NBEA: variants seen among roughly 807,000 people sequenced by gnomAD.
NBEA encodes the protein neurobeachin.
In NBEA, 44 loss-of-function variants were observed where a neutral mutation model predicts 343.4. The observed-to-expected ratio is 0.13, with a 90% confidence interval of 0.10 to 0.16. NBEA has a LOEUF of 0.16. Ranked by LOEUF, NBEA falls within the 10% of genes least tolerant of loss-of-function variation. NBEA has a pLI of 1.00. For synonymous variants in NBEA, 1,175 were observed against 1,238.7 expected (o/e 0.95, Z 1.08); for missense variants, 2,555 against 3,631.3 (o/e 0.70, Z 7.62).
intron 41 of NBEA, among the ~76,000 whole-genome samples, chr13:35,535,310 A>T (rs572624321): frequency 1.4e-4 from 21 of 152,282 alleles, no homozygotes; most frequent in African/African-American, 4.6e-4. Context: ...TTTTTTGTTT[A>T]GTTTTGTTTT....
At chr13:35,218,430 A>G (rs2152759180) in intron 33 of NBEA, among the ~76,000 whole-genome samples, 1 of 152,158 alleles carries the variant, frequency 6.6e-6, no homozygotes, top group South Asian at 2.1e-4. Flanking sequence ...TATATACATA[A>G]TTCTGTCATC....
intron 55 of NBEA, among the ~76,000 whole-genome samples, chr13:35,659,904 A>G (rs562292143): frequency 6.6e-6 from 1 of 152,340 alleles, no homozygotes; most frequent in South Asian, 2.1e-4. Flanking sequence ...AGTGATAAAA[A>G]TTAATTTGCG....
chr13:35,563,131 GGAGA>G (rs745716622), intron 44 of NBEA, among the ~76,000 whole-genome samples: 4,559 of 108,168 alleles, frequency 0.042, 94 homozygotes, highest in South Asian at 0.15. Context: ...GTGTGTGTGT[GGAGA>G]TAGATAGATA....
chr13:35,498,983 A>G (rs928880844), intron 41 of NBEA, among the ~76,000 whole-genome samples: 1 of 152,122 alleles, frequency 6.6e-6, no homozygotes, highest in African/African-American at 2.4e-5. Context: ...ACACCAGGCA[A>G]TTGAAGAATA....
intron 34 of NBEA, chr13:35,251,552 A>G (rs750868003): frequency 1.1e-4 from 133 of 1,182,758 alleles, no homozygotes; most frequent in Non-Finnish European, 1.3e-4. Context: ...TCCTTGATGC[A>G]TGTGACCTTC....
rs955036364 is a variant in NBEA, at chr13:35,562,322, G to C, written c.6923-4583G>C. Among the ~76,000 whole-genome samples, 5 of 151,998 alleles carry C rather than the reference G, an allele frequency of 3.3e-5. No homozygotes were observed. In the East Asian group the frequency reaches 9.7e-4, roughly 29 times the overall value. On this transcript the variant is annotated intron_variant, in intron 44 of 58. Transcript: ENST00000379939. The stretch of plus-strand genomic sequence containing the variant: ...CAGTTCCCAAATTGACCTGATTTCT[G>C]TTTGTTTTCTGAAAAATACAACCTA...
intron 38 of NBEA, among the ~76,000 whole-genome samples, chr13:35,381,744 C>T (rs2042022098): frequency 6.6e-6 from 1 of 151,844 alleles, no homozygotes; most frequent in South Asian, 2.1e-4. Context: ...CTTGAGAGGT[C>T]CTGACCTGCC....
At chr13:35,604,877 T>C (rs1275326225) in intron 47 of NBEA, among the ~76,000 whole-genome samples, 1 of 152,122 alleles carries the variant, frequency 6.6e-6, no homozygotes, top group Non-Finnish European at 1.5e-5. Flanking sequence ...ATGAAGTCTC[T>C]CCTGACTTGC....
chr13:35,282,374 A>C (rs1027192074), intron 34 of NBEA, among the ~76,000 whole-genome samples: 3 of 151,742 alleles, frequency 2.0e-5, no homozygotes, highest in Non-Finnish European at 4.4e-5. Flanking sequence ...TATCATTCTT[A>C]ATAATTATTT....
chr13:35,117,420 C>G lies in NBEA; in HGVS notation c.2009C>G (p.Pro670Arg), dbSNP rs2066555155. 1.5e-6 allele frequency: 2 copies of G among 1,369,258 alleles called. No homozygotes were observed. The highest frequency in any genetic ancestry group is 9.5e-7 in the Non-Finnish European group (1 of 1,049,122). The allele number at this position is 1,369,258 out of a possible 1,614,324, so 84.8% of individuals were successfully genotyped here. Residue 670 changes from proline (P) to arginine (R), a missense_variant, in exon 14 of 59, where the codon CCC becomes CGC. Physicochemically the swap from Pro to Arg is moderately radical, Grantham distance 103 (BLOSUM62 -2). Coordinates refer to ENST00000379939, the MANE Select transcript of NBEA (RefSeq NM_001385012.1). ...TTTTTCTGTTTTGTTCTAGATGGTCCCCGGCCATCACAAAAAGAAATTATA... is the reference window on the plus strand; with the variant it reads ...TTTTTCTGTTTTGTTCTAGATGGTCGCCGGCCATCACAAAAAGAAATTATA... ...SGITPKGLDG[P>R]RPSQKEIISL...
intron 1 of NBEA, among the ~76,000 whole-genome samples, chr13:35,014,618 C>G (rs1436660310): frequency 6.6e-6 from 1 of 152,028 alleles, no homozygotes; most frequent in Non-Finnish European, 1.5e-5. Context: ...AAGCAGGGGT[C>G]TACTGGGACC....
At chr13:35,076,984 T>A (rs761968139) in intron 10 of NBEA, among the ~76,000 whole-genome samples, 33 of 152,044 alleles carry the variant, frequency 2.2e-4, no homozygotes, top group Non-Finnish European at 4.1e-4. Flanking sequence ...CCATAATTCA[T>A]CCTCAGAAAC....
At position 35,177,000 on chromosome 13, in the gene NBEA, C is replaced by T. The variant is rs866634511; in HGVS notation, c.4559C>T (p.Pro1520Leu). The T allele has an allele frequency of 6.4e-7, 1 of 1,574,694 alleles. No homozygotes were observed. Among genetic ancestry groups the T allele is most frequent in the Non-Finnish European group, 8.7e-7 (1 of 1,152,748 alleles). Residue 1520 changes from proline to leucine, a missense_variant, in exon 28 of 59, where the codon CCA becomes CTA. This residue lies in a region of NBEA where 168 missense variants were observed against 193.0 expected (regional missense o/e 0.87). Coordinates refer to ENST00000379939, the MANE Select transcript of NBEA (RefSeq NM_001385012.1). ...CAATTCTTTTTATTTTCAAAGACTC[C>T]ATTGGAAAATGTTCCAGGTAACCTT... ...SVTATAASKT[P>L]LENVPGNLSP...
chr13:35,024,702 A>G (rs1395652719), intron 1 of NBEA, among the ~76,000 whole-genome samples: 2 of 152,172 alleles, frequency 1.3e-5, no homozygotes, highest in Admixed American at 1.3e-4. Flanking sequence ...ATAAAATAAC[A>G]TAAAATAAAA....
At chr13:35,402,610 T>G (rs2043050239) in intron 38 of NBEA, among the ~76,000 whole-genome samples, 1 of 152,138 alleles carries the variant, frequency 6.6e-6, no homozygotes, top group Admixed American at 6.6e-5. Flanking sequence ...AGTGAAAACT[T>G]CAGCCAAGTT....
intron 38 of NBEA, among the ~76,000 whole-genome samples, chr13:35,364,960 C>T (rs1457001009): frequency 6.6e-6 from 1 of 151,632 alleles, no homozygotes; most frequent in Non-Finnish European, 1.5e-5. Context: ...AATTCTTTGA[C>T]CCTGATAGAA....
rs551142443 is a variant in NBEA at position 35,010,241 on chromosome 13, G to A, written c.295-30692G>A. Among the ~76,000 whole-genome samples, 7 of 152,196 alleles carry A rather than the reference G, an allele frequency of 4.6e-5. No individual in the cohort carries two copies. The East Asian group carries it at 1.4e-3, about 29-fold the overall frequency. Reference sequence around the variant, plus strand: ...TGAATAGAGAAGAGATGCAAGTACTGAAAACAGAGACAATTCAAATTTTAT... The same window carrying A: ...TGAATAGAGAAGAGATGCAAGTACTAAAAACAGAGACAATTCAAATTTTAT... On this transcript the variant is annotated intron_variant, in intron 1 of 58. Transcript: ENST00000379939.
At chr13:35,203,665 C>G (rs1017935409) in intron 31 of NBEA, among the ~76,000 whole-genome samples, 4 of 152,120 alleles carry the variant, frequency 2.6e-5, no homozygotes, top group African/African-American at 7.2e-5. Context: ...TGTATCACCT[C>G]TAGCTTTGAG....
intron 34 of NBEA, among the ~76,000 whole-genome samples, chr13:35,268,312 G>A (rs1452464600): frequency 6.6e-6 from 1 of 151,996 alleles, no homozygotes; most frequent in African/African-American, 2.4e-5. Context: ...AAAAATCACA[G>A]AGACAGAAAA....
Sources: gnomAD v4.1 joint callset for allele counts (sites outside exome capture counted in the v4.1 genomes callset) on GRCh38, gnomAD v4.1.1 for gene constraint, gnomAD v4.1.1 regional missense constraint, MANE v1.5 for transcripts, NCBI Gene and HGNC (gene_info 2026-07-23, HGNC 2026-07-21) for gene names.